ACYP2: variants seen among roughly 807,000 people sequenced by gnomAD.
ACYP2 encodes the protein acylphosphatase 2.
A neutral mutation model predicts 11.2 loss-of-function variants in ACYP2; 12 were observed. The ratio of observed to expected loss-of-function variants is 1.08; its 90% CI spans 0.69 to 1.74. The LOEUF is 1.74. Among genes scored for constraint, ACYP2 ranks in the 40% most tolerant of loss-of-function variants. The pLI, the probability that ACYP2 is intolerant of heterozygous loss-of-function variation, is 0.00. For missense variants in ACYP2, 134 were observed against 101.9 expected (o/e 1.31, Z -1.35); for synonymous variants, 43 against 32.2 (o/e 1.33, Z -1.13).
At chr2:54,298,973 G>A (rs1689622179) in intron 6 of ACYP2, among the ~76,000 whole-genome samples, 2 of 152,030 alleles carry the variant, frequency 1.3e-5, no homozygotes, top group Admixed American at 1.3e-4. Context: ...GGCTGGTCTT[G>A]AACTCCTGAC....
intron 2 of ACYP2, among the ~76,000 whole-genome samples, chr2:54,021,165 G>C (rs1030302335): frequency 6.6e-6 from 1 of 152,126 alleles, no homozygotes; most frequent in Admixed American, 6.6e-5. Context: ...CATACGAGCC[G>C]GAGTGGTAGG....
chr2:53,986,250 C>T (rs1424957729), intron 2 of ACYP2, among the ~76,000 whole-genome samples: 6 of 152,152 alleles, frequency 3.9e-5, no homozygotes, highest in Non-Finnish European at 7.3e-5. Context: ...CCCCTTCCAC[C>T]ATGAGTGGAA....
chr2:54,020,968 G>A (rs1392384343), intron 2 of ACYP2, among the ~76,000 whole-genome samples: 1 of 152,152 alleles, frequency 6.6e-6, no homozygotes, highest in Non-Finnish European at 1.5e-5. Context: ...TCTCAGCAAG[G>A]CAATTTTTAC....
chr2:54,029,862 C>T lies in ACYP2; in HGVS notation c.63-21096C>T, dbSNP rs549412119. 8 of 300,982 alleles carry T rather than the reference C, an allele frequency of 2.7e-5. No individual in the cohort carries two copies. The East Asian group carries it at 3.3e-4, about 12-fold the overall frequency. The allele number at this position is 300,982 out of a possible 1,614,324, so 18.6% of individuals were successfully genotyped here. On this transcript the variant is annotated intron_variant, in intron 2 of 6. Transcript: ENST00000607452. Reference sequence around the variant, plus strand: ...GATGTCTACAATATCACCTTTCTTACAGATTTGTTCCCAGAACCAAGCCGG... The same window carrying T: ...GATGTCTACAATATCACCTTTCTTATAGATTTGTTCCCAGAACCAAGCCGG...
At chr2:54,201,594 C>CTTTCTTTCTTTCTTTTTCTTTCTT (rs57144917) in intron 6 of ACYP2, among the ~76,000 whole-genome samples, 1 of 95,742 alleles carries the variant, frequency 1.0e-5, no homozygotes, top group African/African-American at 4.0e-5. Flanking sequence ...TTCTTTCTTT[C>CTTTCTTTCTTTCTTTTTCTTTCTT]TCTTTCTTTC....
At chr2:54,109,670 A>G (rs1572772643) in intron 4 of ACYP2, among the ~76,000 whole-genome samples, 1 of 152,220 alleles carries the variant, frequency 6.6e-6, no homozygotes, top group Admixed American at 6.5e-5. Flanking sequence ...ATGAAAACAT[A>G]TAATAGGATA....
chr2:54,140,712 C>T (rs1484611104), intron 6 of ACYP2, among the ~76,000 whole-genome samples: 1 of 152,092 alleles, frequency 6.6e-6, no homozygotes, highest in African/African-American at 2.4e-5. Context: ...TTATTGGCTA[C>T]TTAATATTCC....
chr2:53,998,519 A>G (rs1672671542), intron 2 of ACYP2, among the ~76,000 whole-genome samples: 1 of 152,198 alleles, frequency 6.6e-6, no homozygotes, highest in South Asian at 2.1e-4. Context: ...CTTAACACAT[A>G]AAAGTTTATT....
At chr2:54,009,313 C>T (rs1048064631) in intron 2 of ACYP2, among the ~76,000 whole-genome samples, 6 of 151,834 alleles carry the variant, frequency 4.0e-5, no homozygotes, top group Non-Finnish European at 7.4e-5. Flanking sequence ...AATCCCAGCG[C>T]TTTTGGAGGC....
chr2:54,223,447 T>C (rs1218392865), intron 6 of ACYP2, among the ~76,000 whole-genome samples: 3 of 152,234 alleles, frequency 2.0e-5, no homozygotes, highest in South Asian at 4.1e-4. Flanking sequence ...TCTGTAGTTT[T>C]TCCCAGACCA....
At chr2:54,114,518 C>T (rs4671860) in intron 4 of ACYP2, among the ~76,000 whole-genome samples, 86,752 of 151,894 alleles carry the variant, frequency 0.57, 24,927 homozygotes, top group East Asian at 0.71. Flanking sequence ...ACCCCGTCTC[C>T]ACTAAAAATA....
chr2:53,991,697 G>C (rs1045802697), intron 2 of ACYP2, among the ~76,000 whole-genome samples: 1 of 152,054 alleles, frequency 6.6e-6, no homozygotes, highest in Non-Finnish European at 1.5e-5. Flanking sequence ...GAGCCACTGT[G>C]CCTGGCCGTA....
At chr2:54,279,483 T>G (rs1688751060) in intron 6 of ACYP2, among the ~76,000 whole-genome samples, 1 of 152,188 alleles carries the variant, frequency 6.6e-6, no homozygotes, top group Non-Finnish European at 1.5e-5. Context: ...ATTTTAGAAT[T>G]ATGGAAATTA....
At chr2:54,244,319 A>C (rs1277515671) in intron 6 of ACYP2, among the ~76,000 whole-genome samples, 1 of 152,092 alleles carries the variant, frequency 6.6e-6, no homozygotes, top group African/African-American at 2.4e-5. Context: ...CTTGCGCCTT[A>C]GCCTCCCCAG....
chr2:54,078,846 C>T (rs902115629), intron 4 of ACYP2, among the ~76,000 whole-genome samples: 1 of 152,308 alleles, frequency 6.6e-6, no homozygotes, highest in Non-Finnish European at 1.5e-5. Context: ...GATCCACCCT[C>T]CTCAGCTTCC....
At chr2:54,213,944 T>G (rs958683801) in intron 6 of ACYP2, among the ~76,000 whole-genome samples, 6 of 152,030 alleles carry the variant, frequency 3.9e-5, no homozygotes, top group African/African-American at 1.5e-4. Context: ...TTTTTTTATT[T>G]TTATTTTTTT....
chr2:54,229,940 C>T (rs987886304), intron 6 of ACYP2, among the ~76,000 whole-genome samples: 1 of 152,122 alleles, frequency 6.6e-6, no homozygotes, highest in Admixed American at 6.5e-5. Flanking sequence ...GATTTTTTAT[C>T]TTATCCAAAT....
chr2:54,162,731 C>T (rs537193912), intron 6 of ACYP2, among the ~76,000 whole-genome samples: 10 of 152,202 alleles, frequency 6.6e-5, no homozygotes, highest in South Asian at 6.2e-4. Flanking sequence ...TTTTGGAGGC[C>T]AGAGGGGGAA....
intron 4 of ACYP2, among the ~76,000 whole-genome samples, chr2:54,072,483 T>C (rs1677098178): frequency 9.8e-6 from 1 of 101,804 alleles, no homozygotes; most frequent in Non-Finnish European, 2.2e-5. Flanking sequence ...TTTCTTTCTT[T>C]CTTTTTTCTT....
Sources: allele counts gnomAD v4.1 joint callset (sites outside exome capture counted in the v4.1 genomes callset), GRCh38; gene constraint gnomAD v4.1.1; transcripts MANE v1.5; gene names NCBI Gene and HGNC (gene_info 2026-07-23, HGNC 2026-07-21).